Variants in PARD6G observed in about 807,000 individuals in gnomAD.
PARD6G encodes partitioning defective 6 homolog gamma.
In PARD6G, 7 loss-of-function variants were observed where a neutral mutation model predicts 10.7. The ratio of observed to expected loss-of-function variants is 0.66; its 90% CI spans 0.37 to 1.23. The LOEUF is 1.23. PARD6G is among the 50% of genes most tolerant of loss of function. The pLI is 0.02. For missense variants in PARD6G, 548 were observed against 571.8 expected, an observed-to-expected ratio of 0.96 and a Z score of 0.42; for synonymous variants, 287 against 269.4, an observed-to-expected ratio of 1.07 and a Z score of -0.64.
chr18:80,193,759 G>GAGTGCTGGCAGGA (rs1479255352), intron 2 of PARD6G, among the ~76,000 whole-genome samples: 1 of 152,182 alleles, frequency 6.6e-6, no homozygotes, highest in African/African-American at 2.4e-5. Flanking sequence ...AACTGCTGAG[G>GAGTGCTGGCAGGA]AGTGCTGGCA....
chr18:80,234,886 T>C (rs1599877063), intron 1 of PARD6G, among the ~76,000 whole-genome samples: 1 of 152,012 alleles, frequency 6.6e-6, no homozygotes, highest in Admixed American at 6.6e-5. Flanking sequence ...TAAAGAGACT[T>C]AGACTCCCAC....
chr18:80,195,558 T>TATATATATATATATATATATATAC (rs1966945274), intron 2 of PARD6G, among the ~76,000 whole-genome samples: 1 of 104,528 alleles, frequency 9.6e-6, no homozygotes, highest in Non-Finnish European at 1.8e-5. Flanking sequence ...CATATATATA[T>TATATATATATATATATATATATAC]ATATATATAT....
In PARD6G at chr18:80,247,310, GA is replaced by G; in HGVS notation, c.38del (p.Phe13SerfsTer48). On this transcript the variant is annotated frameshift_variant, in exon 1 of 3. Transcript: ENST00000353265. LOFTEE classifies it high-confidence loss of function. This position sits in a 1 kb window ranked among gnomAD's most constrained non-coding sequence, Gnocchi z 4.2. ...RSFHKSQTLR[F>X]YDCSAVEVKS... ...TGACTTCCACTGCGCTGCAATCGTA[GA>G]ATCGCAAGGTCTGAGACTTGTGAAA... The G allele has an allele frequency of 6.3e-7, 1 of 1,585,188 alleles. No individual in the cohort carries two copies. Among genetic ancestry groups the G allele is most frequent in the Non-Finnish European group, 8.6e-7 (1 of 1,166,664 alleles).
rs2052691067 is a variant in PARD6G, at chr18:80,160,411, TGCCGGTGCAGCCGCACTC to T, written c.473_490del (p.Arg158_Arg163del). On this transcript the variant is annotated inframe_deletion, in exon 3 of 3. Coordinates refer to ENST00000353265, the MANE Select transcript of PARD6G (RefSeq NM_032510.4). ...GAAGCCCAGCGGCTTCTCGCAGCCG[TGCCGGTGCAGCCGCACTC>T]GCCGGTGCGTCTCGGGGACCAGGTC... The T allele has an allele frequency of 1.3e-6, 2 of 1,599,082 alleles. No homozygotes were observed. Among genetic ancestry groups the T allele is most frequent in the Non-Finnish European group, 8.5e-7 (1 of 1,173,404 alleles).
chr18:80,209,748 T>A (rs1024679431), intron 1 of PARD6G, among the ~76,000 whole-genome samples: 12 of 152,030 alleles, frequency 7.9e-5, no homozygotes, highest in African/African-American at 2.7e-4. Context: ...GGATGTGGAG[T>A]CTGCAGTGAA....
intron 1 of PARD6G, among the ~76,000 whole-genome samples, chr18:80,227,844 C>T (rs1461715604): frequency 1.3e-5 from 2 of 151,764 alleles, no homozygotes; most frequent in Admixed American, 6.6e-5. Flanking sequence ...CGGGAACCAC[C>T]AGACCACCAG....
At position 80,202,713 on chromosome 18, in the gene PARD6G, G is replaced by A; in HGVS notation, c.292C>T (p.Arg98Ter). ...NPLLRVFIQK[R>*]EEAERGSLGA... Reference sequence around the variant, plus strand: ...GGCCACTCAACCACTTCAGTACCTCGTTTCTGGATGAAGACCCTGAGCAGG... The same window carrying A: ...GGCCACTCAACCACTTCAGTACCTCATTTCTGGATGAAGACCCTGAGCAGG... Residue 98 changes from arginine to a stop codon, truncating the protein, a stop_gained, in exon 2 of 3, where the codon CGA (arginine) becomes TGA (stop). Transcript: ENST00000353265. LOFTEE classifies it low-confidence loss of function (END_TRUNC). 6.2e-7 allele frequency: 1 copy of A among 1,612,376 alleles called. No individual in the cohort carries two copies. Among genetic ancestry groups the A allele is most frequent in the Non-Finnish European group, 8.5e-7 (1 of 1,179,742 alleles).
Position 80,192,045 on chromosome 18 carries a change from G to A in PARD6G, c.295+10665C>T, listed in dbSNP as rs1050288130. 3.3e-5 allele frequency among the ~76,000 whole-genome samples: 5 copies of A among 152,142 alleles called. No individual in the cohort carries two copies. Among genetic ancestry groups the A allele is most frequent in the Admixed American group, 1.3e-4 (2 of 15,278 alleles). The stretch of plus-strand genomic sequence containing the variant: ...CTTGATGATTCTGAACATCAAAAAC[G>A]TGTACTTTCATGTTTTCAATGTACA... On this transcript the variant is annotated intron_variant, in intron 2 of 2. Transcript: ENST00000353265. This position sits in a 1 kb window ranked among gnomAD's most constrained non-coding sequence, Gnocchi z 4.9.
intron 1 of PARD6G, among the ~76,000 whole-genome samples, chr18:80,214,848 A>G (rs760490912): frequency 2.0e-5 from 3 of 152,170 alleles, no homozygotes; most frequent in Non-Finnish European, 4.4e-5. Context: ...AAATTAATCT[A>G]TATATTTTTA....
At chr18:80,244,786 G>A (rs1169347742) in intron 1 of PARD6G, among the ~76,000 whole-genome samples, 2 of 152,120 alleles carry the variant, frequency 1.3e-5, no homozygotes, top group East Asian at 3.8e-4. Flanking sequence ...GTGCTACATT[G>A]AGGTTGTCAT....
chr18:80,222,074 C>T (rs1967236517), intron 1 of PARD6G, among the ~76,000 whole-genome samples: 2 of 151,764 alleles, frequency 1.3e-5, no homozygotes, highest in South Asian at 4.2e-4. Context: ...GATTAGAAAA[C>T]TTAATTTTTT....
chr18:80,177,218 GCACACA>G (rs35217634), intron 2 of PARD6G, among the ~76,000 whole-genome samples: 209 of 98,880 alleles, frequency 2.1e-3, no homozygotes, highest in African/African-American at 8.2e-3. Context: ...AATGGGAAGC[GCACACA>G]CACACACACA....
At chr18:80,214,328 G>T (rs917496660) in intron 1 of PARD6G, among the ~76,000 whole-genome samples, 1 of 151,792 alleles carries the variant, frequency 6.6e-6, no homozygotes, top group African/African-American at 2.4e-5. Flanking sequence ...AGCCAGGTGT[G>T]GGGGGTGAGC....
At chr18:80,229,759 A>C (rs1568443010) in intron 1 of PARD6G, among the ~76,000 whole-genome samples, 1 of 152,222 alleles carries the variant, frequency 6.6e-6, no homozygotes, top group East Asian at 1.9e-4. Flanking sequence ...CCCTAATTTA[A>C]ACTCAGGGAA....
rs1966912493 is a variant in PARD6G, at chr18:80,192,989, A to G, written c.295+9721T>C. Among the ~76,000 whole-genome samples, 1 of 152,116 alleles carries G rather than the reference A, an allele frequency of 6.6e-6. No individual in the cohort carries two copies. Among genetic ancestry groups the G allele is most frequent in the African/African-American group, 2.4e-5 (1 of 41,418 alleles). On this transcript the variant is annotated intron_variant, in intron 2 of 2. Transcript: ENST00000353265. The surrounding 1 kb of genome is among the most constrained non-coding windows in gnomAD (Gnocchi z 4.9). The stretch of plus-strand genomic sequence containing the variant: ...CATGTCAACACATCACAGAAGACTG[A>G]CATCTCAAGACAGAACTTGCTTCCT...
chr18:80,206,521 AC>A (rs1351581486), intron 1 of PARD6G, among the ~76,000 whole-genome samples: 4 of 152,250 alleles, frequency 2.6e-5, no homozygotes, highest in African/African-American at 9.6e-5. Flanking sequence ...GTTTCCAATT[AC>A]TTGCTTTTGA....
At chr18:80,197,049 T>C (rs1272565278) in intron 2 of PARD6G, among the ~76,000 whole-genome samples, 1 of 152,102 alleles carries the variant, frequency 6.6e-6, no homozygotes, top group Non-Finnish European at 1.5e-5. Flanking sequence ...ATGGACACAG[T>C]GAGGCTAATT....
At chr18:80,241,742 T>G (rs535162963) in intron 1 of PARD6G, among the ~76,000 whole-genome samples, 16 of 152,172 alleles carry the variant, frequency 1.1e-4, no homozygotes, top group African/African-American at 3.9e-4. Flanking sequence ...CATGGTGCAG[T>G]AGAAATTTGC....
intron 1 of PARD6G, among the ~76,000 whole-genome samples, chr18:80,214,874 C>A (rs1967147360): frequency 6.6e-6 from 1 of 151,950 alleles, no homozygotes; most frequent in Non-Finnish European, 1.5e-5. Flanking sequence ...TTAAGTGTAT[C>A]CTACTTGCAG....
Sources: allele counts gnomAD v4.1 joint callset (sites outside exome capture counted in the v4.1 genomes callset), GRCh38; gene constraint gnomAD v4.1.1; non-coding constraint Gnocchi (gnomAD v3.1); transcripts MANE v1.5; gene names NCBI Gene and HGNC (gene_info 2026-07-23, HGNC 2026-07-21).